The following ALOX12 variants were observed in gnomAD, a reference collection of about 807,000 sequenced individuals.
ALOX12 encodes arachidonate 12-lipoxygenase, 12S type.
ALOX12 carries 62 observed loss-of-function variants against 85.5 expected under a neutral mutation model. The ratio of observed to expected loss-of-function variants is 0.73; its 90% confidence interval spans 0.59 to 0.90. ALOX12 has a LOEUF of 0.90. Among genes scored for constraint, ALOX12 ranks in the 40% least tolerant of loss-of-function variants. The pLI, the probability that ALOX12 is intolerant of heterozygous loss-of-function variation, is 0.00. For missense variants in ALOX12, 751 were observed against 856.5 expected (o/e 0.88, Z 1.54); for synonymous variants, 299 against 332.7 (o/e 0.90, Z 1.10).
chr17:7,008,214 C>T (rs182620225), intron 11 of ALOX12, among the ~76,000 whole-genome samples: 2 of 152,320 alleles, frequency 1.3e-5, no homozygotes, highest in African/African-American at 4.8e-5. Context: ...ACATTCAGTT[C>T]ATGACACATG....
chr17:6,999,751 C>A (rs1310668564), intron 6 of ALOX12, among the ~76,000 whole-genome samples: 2 of 152,132 alleles, frequency 1.3e-5, no homozygotes, highest in African/African-American at 4.8e-5. Flanking sequence ...CTCCAGTGTT[C>A]ATGGGCAGGG....
chr17:7,006,616 C>T lies in ALOX12; in HGVS notation c.1540+9C>T. 1.9e-6 allele frequency: 3 copies of T among 1,573,358 alleles called. No homozygotes were observed. Among genetic ancestry groups the T allele is most frequent in the Non-Finnish European group, 2.6e-6 (3 of 1,158,054 alleles). On this transcript the variant is annotated intron_variant, in intron 11 of 13. Coordinates refer to ENST00000251535, the MANE Select transcript of ALOX12 (RefSeq NM_000697.3). ...CCAGGCCCAGGACCGAGGTAAGATC[C>T]ATTCTAGAGACAGAAGAAGCTCCTG...
In ALOX12 at chr17:7,005,474, C is replaced by CTTTT. The variant is rs35201122; in HGVS notation, c.1248+152_1248+155dup. ...GAACCTGTCCCTTTTATACCCATGT[C>CTTTT]TTTTTTTTTTTTTTTTTTTTTTTTG... is the stretch of plus-strand genomic sequence containing the variant. On this transcript the variant is annotated intron_variant, in intron 9 of 13. Transcript: ENST00000251535. 709 of 223,012 alleles carry CTTTT rather than the reference C, an allele frequency of 3.2e-3. 5 individuals carry two copies. The highest frequency in any genetic ancestry group is 3.9e-3 in the South Asian group (115 of 29,856). The allele number at this position is 223,012 out of a possible 1,614,324, so 13.8% of individuals were successfully genotyped here.
Position 7,010,256 on chromosome 17 carries a change from C to A in ALOX12, c.1825C>A (p.His609Asn), listed in dbSNP as rs1381936897. ...TGTTCTGTCTCAGGTGCCTCTGGGGCACCACAAAGAAAAATATTTCTCAGG... is the reference window on the plus strand; with the variant it reads ...TGTTCTGTCTCAGGTGCCTCTGGGGAACCACAAAGAAAAATATTTCTCAGG... ...RRQPDMVPLG[H>N]HKEKYFSGPK... The change falls in exon 14 of 14, where the codon CAC becomes AAC. Residue 609 changes from histidine (H) to asparagine (N), a missense_variant. Coordinates refer to ENST00000251535, the MANE Select transcript of ALOX12 (RefSeq NM_000697.3). 1.9e-6 allele frequency: 3 copies of A among 1,613,580 alleles called. No individual in the cohort carries two copies. The highest frequency in any genetic ancestry group is 2.5e-6 in the Non-Finnish European group (3 of 1,179,798).
intron 4 of ALOX12, 36 bp from the exon 5 acceptor site, chr17:6,998,917 A>T: frequency 6.2e-7 from 1 of 1,613,998 alleles, no homozygotes; most frequent in Non-Finnish European, 8.5e-7. Context: ...GGACTGAGGG[A>T]TCAGCTGATG....
intron 8 of ALOX12, among the ~76,000 whole-genome samples, chr17:7,003,566 A>G (rs930428095): frequency 6.6e-6 from 1 of 152,070 alleles, no homozygotes; most frequent in Non-Finnish European, 1.5e-5. Flanking sequence ...AGCTGGGACT[A>G]CAGGTGTGCA....
Position 7,000,345 on chromosome 17 carries a change from C to T in ALOX12, c.817C>T (p.Leu273=), listed in dbSNP as rs1225341309. ...QLEKELQNGS[L]FEADFILLDG... ...TCCCTCCTGTCCCCAGAATGGTTCC[C>T]TGTTTGAAGCTGACTTCATCCTTCT... Residue 273 remains leucine, a synonymous_variant, in exon 7 of 14, where the codon CTG becomes TTG. Transcript: ENST00000251535. The surrounding 1 kb of genome is among the most constrained non-coding windows in gnomAD (Gnocchi z 4.6). 1 of 1,614,134 alleles carries T rather than the reference C, an allele frequency of 6.2e-7. No individual in the cohort carries two copies. Among genetic ancestry groups the T allele is most frequent in the South Asian group, 1.1e-5 (1 of 91,086 alleles).
intron 13 of ALOX12, 49 bp from the exon 14 acceptor site, chr17:7,010,191 GGCTC>G: frequency 1.3e-6 from 2 of 1,597,940 alleles, no homozygotes; most frequent in South Asian, 2.2e-5. Flanking sequence ...TGAGGGGCTG[GGCTC>G]TAGGTGCGTT....
chr17:6,996,527 T>C (rs1339982094), intron 1 of ALOX12, among the ~76,000 whole-genome samples: 2 of 150,482 alleles, frequency 1.3e-5, no homozygotes, highest in Admixed American at 1.3e-4. Flanking sequence ...CCAATGTAAG[T>C]ATGAGGCCAG....
intron 8 of ALOX12, among the ~76,000 whole-genome samples, chr17:7,005,012 G>A (rs538983182): frequency 2.0e-5 from 3 of 151,344 alleles, no homozygotes; most frequent in Admixed American, 1.3e-4. Context: ...AGATTAAAAG[G>A]TTATTAACTT....
Position 7,000,267 on chromosome 17 carries a change from G to A in ALOX12, c.808-69G>A. 6.4e-7 allele frequency: 1 copy of A among 1,564,912 alleles called. No individual in the cohort carries two copies. The highest frequency in any genetic ancestry group is 1.7e-5 in the Admixed American group (1 of 58,322). ...GGCAAGAAGCTAGACTAAATCTCTT[G>A]CCCTTTGCCCCGGCCCCCTGGGGGT... On this transcript the variant is annotated intron_variant, in intron 6 of 13. Transcript: ENST00000251535. The surrounding 1 kb of genome is among the most constrained non-coding windows in gnomAD (Gnocchi z 4.6).
Position 6,999,320 on chromosome 17 carries a change from T to C in ALOX12, c.661T>C (p.Cys221Arg). 3 of 1,614,232 alleles carry C rather than the reference T, an allele frequency of 1.9e-6. No homozygotes were observed. The highest frequency in any genetic ancestry group is 3.3e-5 in the Admixed American group (2 of 60,020). Residue 221 changes from cysteine to arginine, a missense_variant, in exon 6 of 14, where the codon TGC becomes CGC. By Grantham distance (180) the Cys-to-Arg change is radical (BLOSUM62 -3). Coordinates refer to ENST00000251535, the MANE Select transcript of ALOX12 (RefSeq NM_000697.3). ...GCCCACCAAAGAGAAGGTTCGCCAG[T>C]GCTGGCAGGATGATGAGTTGTTCAG... ...KSALAEKVRQ[C>R]WQDDELFSYQ...
chr17:6,999,690 G>A, intron 6 of ALOX12: 1 of 518,814 alleles, frequency 1.9e-6, no homozygotes, highest in Non-Finnish European at 3.4e-6. Flanking sequence ...ACAGAGAGGG[G>A]CTGGAGATGT....
rs1397913571 is a variant in ALOX12 at position 7,001,681 on chromosome 17, A to G, written c.1031A>G (p.Lys344Arg). 1.9e-6 allele frequency: 3 copies of G among 1,614,108 alleles called. No homozygotes were observed. Among genetic ancestry groups the G allele is most frequent in the Non-Finnish European group, 2.5e-6 (3 of 1,180,012 alleles). ...SDPPLAWLLA[K>R]SWVRNSDFQL... ...CCCCCACTTGCCTGGCTCCTGGCAAAGTCCTGGGTCCGAAATTCAGATTTC... is the reference window on the plus strand; with the variant it reads ...CCCCCACTTGCCTGGCTCCTGGCAAGGTCCTGGGTCCGAAATTCAGATTTC... The change falls in exon 8 of 14, where the codon AAG becomes AGG. Residue 344 changes from lysine (K) to arginine (R), a missense_variant. Lys to Arg is a conservative substitution (Grantham distance 26). Transcript: ENST00000251535.
intron 8 of ALOX12, among the ~76,000 whole-genome samples, chr17:7,003,238 G>A (rs758098189): frequency 1.3e-5 from 2 of 152,162 alleles, no homozygotes; most frequent in South Asian, 2.1e-4. Context: ...ATGCACACAA[G>A]GGTCAAGCCT....
chr17:7,005,868 C>T lies in ALOX12; in HGVS notation c.1259C>T (p.Thr420Ile). The change falls in exon 10 of 14, where the codon ACA becomes ATA. Residue 420 changes from threonine (T) to isoleucine (I), a missense_variant. Coordinates refer to ENST00000251535, the MANE Select transcript of ALOX12 (RefSeq NM_000697.3). ...DGGIFDKAVS[T>I]GGGGHVQLLR... is the part of the protein sequence containing the mutation. ...GATCTCCTGTCCCAGGCAGTGAGCA[C>T]AGGTGGAGGGGGCCATGTACAGTTG... 2 of 1,612,406 alleles carry T rather than the reference C, an allele frequency of 1.2e-6. No homozygotes were observed. The highest frequency in any genetic ancestry group is 1.7e-6 in the Non-Finnish European group (2 of 1,179,802).
chr17:6,996,289 G>A (rs1488942732), intron 1 of ALOX12, 37 bp downstream of exon 1: 5 of 1,222,952 alleles, frequency 4.1e-6, no homozygotes. Context: ...GGGCAGCGGG[G>A]ACCCCGGGCC....
intron 11 of ALOX12, among the ~76,000 whole-genome samples, chr17:7,008,988 G>A (rs1909236535): frequency 6.6e-6 from 1 of 151,420 alleles, no homozygotes; most frequent in South Asian, 2.1e-4. Context: ...CTGACTACCA[G>A]CAATCCTCCT....
At chr17:7,003,360 G>T (rs1031455320) in intron 8 of ALOX12, among the ~76,000 whole-genome samples, 1 of 152,172 alleles carries the variant, frequency 6.6e-6, no homozygotes, top group East Asian at 1.9e-4. Context: ...CCATCGTGAG[G>T]TTATTAAAGG....
Sources: gnomAD v4.1 joint callset for allele counts (sites outside exome capture counted in the v4.1 genomes callset) on GRCh38, gnomAD v4.1.1 for gene constraint, Gnocchi (gnomAD v3.1) non-coding constraint, MANE v1.5 for transcripts, NCBI Gene and HGNC (gene_info 2026-07-23, HGNC 2026-07-21) for gene names.